LARGE1: variants seen among roughly 807,000 people sequenced by gnomAD.
LARGE1 encodes the protein LARGE xylosyl- and glucuronyltransferase 1.
Under a neutral mutation model 87.6 loss-of-function variants are expected in LARGE1, and 43 were observed. The observed-to-expected ratio is 0.49, with a 90% CI of 0.38 to 0.63. The LOEUF is 0.63. Among genes scored for constraint, LARGE1 ranks in the 30% least tolerant of loss-of-function variants. The pLI is 0.00. For synonymous variants in LARGE1, 434 were observed against 394.6 expected, an observed-to-expected ratio of 1.10 and a Z score of -1.18; for missense variants, 802 against 1,000.2, an observed-to-expected ratio of 0.80 and a Z score of 2.67.
intron 1 of LARGE1, among the ~76,000 whole-genome samples, chr22:33,816,689 TAGACAGACAGACAGACAGACAGAC>T (rs1226644906): frequency 7.6e-6 from 1 of 132,364 alleles, no homozygotes; most frequent in Non-Finnish European, 1.7e-5. Context: ...GATAGATAGA[TAGACAGACAGACAGACAGACAGAC>T]AGACAGACAG....
intron 1 of LARGE1, among the ~76,000 whole-genome samples, chr22:33,843,259 AGAGAGGGTG>A (rs2146433327): frequency 6.6e-6 from 1 of 152,134 alleles, no homozygotes; most frequent in Non-Finnish European, 1.5e-5. Flanking sequence ...ACTGGAAGGC[AGAGAGGGTG>A]GCTGTAAGGA....
intron 1 of LARGE1, among the ~76,000 whole-genome samples, chr22:33,827,695 T>C (rs1346887761): frequency 6.6e-6 from 1 of 152,154 alleles, no homozygotes; most frequent in Non-Finnish European, 1.5e-5. Context: ...GCTGACATCG[T>C]GGTGTAGAGC....
chr22:33,268,749 C>T (rs1201168690), downstream of LARGE1, among the ~76,000 whole-genome samples: 1 of 152,046 alleles, frequency 6.6e-6, no homozygotes, highest in Non-Finnish European at 1.5e-5. Flanking sequence ...AACTTTTAAG[C>T]AGGTAGAAAA....
At chr22:33,707,830 G>T (rs1002554961) in intron 2 of LARGE1, among the ~76,000 whole-genome samples, 6 of 152,164 alleles carry the variant, frequency 3.9e-5, no homozygotes, top group Non-Finnish European at 7.3e-5. Context: ...AGGGCCCTGG[G>T]GGCGAGAACC....
chr22:33,348,691 C>A (rs1258599602), intron 9 of LARGE1, among the ~76,000 whole-genome samples: 1 of 151,904 alleles, frequency 6.6e-6, no homozygotes, highest in African/African-American at 2.4e-5. Flanking sequence ...GAACAAAAAA[C>A]TGAGGAAGGA....
the LARGE1 span, among the ~76,000 whole-genome samples, chr22:33,148,520 T>C: frequency 6.6e-6 from 1 of 152,232 alleles, no homozygotes; most frequent in African/African-American, 2.4e-5. Flanking sequence ...CTATAACAAA[T>C]AAAACTCCTA....
chr22:33,337,556 G>T, intron 10 of LARGE1, 90 bp downstream of exon 10: 13 of 1,490,298 alleles, frequency 8.7e-6, no homozygotes, highest in Non-Finnish European at 1.2e-5. Context: ...GTCCTGCCAT[G>T]AGCCTGACAT....
At chr22:33,565,380 C>T (rs1341219156) in intron 5 of LARGE1, among the ~76,000 whole-genome samples, 1 of 152,198 alleles carries the variant, frequency 6.6e-6, no homozygotes, top group African/African-American at 2.4e-5. Flanking sequence ...TTGAATCCCA[C>T]TACAAATACT....
rs1256244436 is a variant in LARGE1 at position 33,165,577 on chromosome 22, C to CA, written c.*1185dup. The CA allele has an allele frequency of 3.9e-5, 6 of 152,154 alleles. No homozygotes were observed. In the East Asian group the frequency reaches 9.6e-4, roughly 24 times the overall value. 9.4% of individuals were successfully genotyped at this position (152,154 alleles called of 1,614,324 possible). A position where few individuals can be genotyped will look rare whatever the true frequency, so the allele number is the denominator to read the frequency against. On this transcript the variant is annotated 3_prime_UTR_variant, in exon 12 of 12. Coordinates refer to the LARGE1 transcript ENST00000608642. ...ATATGCAGGTTTAGATCCAAACCCC[C>CA]AAAATTCTGATTTAGAAGGTCACAG...
In LARGE1 at chr22:33,399,750, A is replaced by G. The variant is rs5994730; in HGVS notation, c.893-15446T>C. Among the ~76,000 whole-genome samples, 1,346 of 152,110 alleles carry G rather than the reference A, an allele frequency of 8.8e-3. 19 individuals carry two copies. The highest frequency in any genetic ancestry group is 0.031 in the African/African-American group (1,273 of 41,482). ...TTTTTAGTAGAGATGGGGTTTCATC[A>G]TGTTAGCCAGGATGGTCTCGATCTC... On this transcript the variant is annotated intron_variant, in intron 7 of 14. Transcript: ENST00000397394.
At chr22:33,220,114 T>G (rs1925387234) in intron 11 of LARGE1, among the ~76,000 whole-genome samples, 1 of 152,178 alleles carries the variant, frequency 6.6e-6, no homozygotes, top group South Asian at 2.1e-4. Flanking sequence ...TGCAGAGGGC[T>G]CCTGTGAGAA....
intron 11 of LARGE1, among the ~76,000 whole-genome samples, chr22:33,191,928 C>T (rs566043180): frequency 1.6e-4 from 24 of 152,238 alleles, no homozygotes; most frequent in African/African-American, 5.1e-4. Flanking sequence ...ATCCTTAAAC[C>T]TTTTAGAACT....
intron 1 of LARGE1, among the ~76,000 whole-genome samples, chr22:33,772,832 C>T (rs1354247270): frequency 7.2e-6 from 1 of 139,626 alleles, no homozygotes; most frequent in African/African-American, 2.7e-5. Context: ...GGGAAGCATT[C>T]AGTGAGTATC....
intron 9 of LARGE1, among the ~76,000 whole-genome samples, chr22:33,370,225 G>T (rs1194960484): frequency 6.6e-6 from 1 of 151,904 alleles, no homozygotes; most frequent in Admixed American, 6.6e-5. Flanking sequence ...GCCACACAGG[G>T]GCCGTTAAAA....
Position 33,326,756 on chromosome 22 carries a change from C to T in LARGE1, c.1288-10508G>A, listed in dbSNP as rs200438895. On this transcript the variant is annotated intron_variant, in intron 10 of 14. Coordinates refer to ENST00000397394, the MANE Select transcript of LARGE1 (RefSeq NM_133642.5). ...GCTTTATAGACAAGGGAGGGCCGAACACCTGGCAAGTGCAGAGAGATGACA... is the reference window on the plus strand; with the variant it reads ...GCTTTATAGACAAGGGAGGGCCGAATACCTGGCAAGTGCAGAGAGATGACA... 3.9e-5 allele frequency among the ~76,000 whole-genome samples: 6 copies of T among 152,132 alleles called. No individual in the cohort carries two copies. In the East Asian group the frequency reaches 1.2e-3, roughly 29 times the overall value.
intron 6 of LARGE1, among the ~76,000 whole-genome samples, chr22:33,534,963 T>C (rs2076998878): frequency 6.6e-6 from 1 of 152,172 alleles, no homozygotes; most frequent in Non-Finnish European, 1.5e-5. Context: ...AGTAATAACT[T>C]AATACGACTT....
At chr22:33,895,596 C>A (rs934832757) in intron 1 of LARGE1, among the ~76,000 whole-genome samples, 2 of 152,148 alleles carry the variant, frequency 1.3e-5, no homozygotes, top group Non-Finnish European at 2.9e-5. Context: ...GAGGTCCTTG[C>A]CTTCTTGCTG....
intron 11 of LARGE1, among the ~76,000 whole-genome samples, chr22:33,307,947 C>T (rs1677645826): frequency 6.6e-6 from 1 of 152,056 alleles, no homozygotes; most frequent in Non-Finnish European, 1.5e-5. Flanking sequence ...CTTTCTTTTG[C>T]TGGATGAGTC....
chr22:33,680,792 C>CT (rs2081743211), intron 2 of LARGE1, among the ~76,000 whole-genome samples: 1 of 151,142 alleles, frequency 6.6e-6, no homozygotes, highest in African/African-American at 2.5e-5. Flanking sequence ...AGAATACCCC[C>CT]TTATCATCTG....
Sources: gnomAD v4.1 joint callset for allele counts (sites outside exome capture counted in the v4.1 genomes callset) on GRCh38, gnomAD v4.1.1 for gene constraint, MANE v1.5 for transcripts, NCBI Gene and HGNC (gene_info 2026-07-23, HGNC 2026-07-21) for gene names.